ARID5B: variants seen among roughly 807,000 people sequenced by gnomAD.
The protein encoded by ARID5B is AT-rich interactive domain-containing protein 5B.
Under a neutral mutation model 97.2 loss-of-function variants are expected in ARID5B, and 13 were observed. That is an observed-to-expected ratio of 0.13 (90% CI 0.09 to 0.21). The LOEUF (loss-of-function observed/expected upper bound fraction) is 0.21. ARID5B is among the 10% of genes least tolerant of loss of function. ARID5B has a pLI of 1.00. For synonymous variants in ARID5B, 556 were observed against 570.3 expected, an observed-to-expected ratio of 0.97 and a Z score of 0.36; for missense variants, 1,210 against 1,465.3, an observed-to-expected ratio of 0.83 and a Z score of 2.84.
At chr10:61,933,319 T>A in intron 2 of ARID5B, among the ~76,000 whole-genome samples, 1 of 152,200 alleles carries the variant, frequency 6.6e-6, no homozygotes, top group Non-Finnish European at 1.5e-5. Flanking sequence ...TTCCTGAAAG[T>A]CGTCACCTAT....
Position 61,902,402 on chromosome 10 carries a change from G to T in ARID5B, c.265G>T (p.Asp89Tyr). ...AGACACTCCCCAGGGCAGAAATAGC[G>T]ACCATGGCGAGGTGGTAAACCTGTC... Reference protein sequence around the residue: ...PEDTPQGRNSDHGEDEVIAVS... With the variant: ...PEDTPQGRNSYHGEDEVIAVS... The change falls in exon 2 of 10, where the codon GAC becomes TAC. Residue 89 changes from aspartate to tyrosine, a missense_variant. By Grantham distance (160) the Asp-to-Tyr change is radical (BLOSUM62 -3). Around this residue, in one of 8 missense-constraint regions of ARID5B, gnomAD observed 80 missense variants for 133.2 expected, o/e 0.60. Transcript: ENST00000279873. 2 of 1,613,918 alleles carry T rather than the reference G, an allele frequency of 1.2e-6. No individual in the cohort carries two copies. Among genetic ancestry groups the T allele is most frequent in the South Asian group, 1.1e-5 (1 of 91,032 alleles).
At chr10:62,057,059 C>T (rs567471571) in intron 5 of ARID5B, 58 bp from the exon 6 acceptor site, 3 of 1,557,294 alleles carry the variant, frequency 1.9e-6, no homozygotes, top group Non-Finnish European at 2.6e-6. Flanking sequence ...CTAGCTATGT[C>T]TTGGTAAGCA....
At chr10:62,045,293 A>G (rs1406747209) in intron 4 of ARID5B, among the ~76,000 whole-genome samples, 1 of 152,220 alleles carries the variant, frequency 6.6e-6, no homozygotes, top group Admixed American at 6.5e-5. Flanking sequence ...AACTTTAAAA[A>G]CATTCGTTCT....
Position 62,092,927 on chromosome 10 carries a change from G to A in ARID5B, c.3464G>A (p.Gly1155Glu), listed in dbSNP as rs1236636347. ...GCTACACCTGTAGGAAGTTCATATG[G>A]GGACCTTTTGCATAACAGCATTTAC... Reference protein sequence around the residue: ...AAATPVGSSYGDLLHNSIYPL... With the variant: ...AAATPVGSSYEDLLHNSIYPL... Residue 1155 changes from glycine to glutamate, a missense_variant, in exon 10 of 10, where the codon GGG (glycine) becomes GAG (glutamate). By Grantham distance (98) the Gly-to-Glu change is moderately conservative. This residue lies in a region of ARID5B where 54 missense variants were observed against 67.4 expected (regional missense o/e 0.80). Coordinates refer to ENST00000279873, the MANE Select transcript of ARID5B (RefSeq NM_032199.3). 3 of 1,614,150 alleles carry A rather than the reference G, an allele frequency of 1.9e-6. No homozygotes were observed. Among genetic ancestry groups the A allele is most frequent in the East Asian group, 2.2e-5 (1 of 44,880 alleles).
chr10:61,938,964 AGTGTGTGTGT>A (rs60329829), intron 2 of ARID5B, among the ~76,000 whole-genome samples: 16 of 125,192 alleles, frequency 1.3e-4, no homozygotes, highest in African/African-American at 2.7e-4. Flanking sequence ...GAATTGGAGA[AGTGTGTGTGT>A]GTGTGTGTGT....
At position 61,912,586 on chromosome 10, in the gene ARID5B, A is replaced by G. The variant is rs563729988; in HGVS notation, c.276+10173A>G. 2.0e-3 allele frequency among the ~76,000 whole-genome samples: 300 copies of G among 151,872 alleles called. 5 individuals are homozygous for G. Among genetic ancestry groups the G allele is most frequent in the East Asian group, 1.9e-3 (10 of 5,174 alleles). On this transcript the variant is annotated intron_variant, in intron 2 of 9. Coordinates refer to ENST00000279873, the MANE Select transcript of ARID5B (RefSeq NM_032199.3). ...TAATGTATACTATTTTTGTTAGTCA[A>G]TTATACTTCAATAAAGCTGGAGAAA...
At chr10:61,993,574 G>A (rs1838957202) in intron 3 of ARID5B, among the ~76,000 whole-genome samples, 1 of 151,830 alleles carries the variant, frequency 6.6e-6, no homozygotes, top group Non-Finnish European at 1.5e-5. Flanking sequence ...AACAGCTGTA[G>A]CTACTCTTAT....
chr10:62,028,476 A>T (rs1318043405), intron 4 of ARID5B, among the ~76,000 whole-genome samples: 1 of 152,122 alleles, frequency 6.6e-6, no homozygotes, highest in Non-Finnish European at 1.5e-5. Context: ...GAGGCAGGGG[A>T]CGCAGCAACA....
intron 3 of ARID5B, among the ~76,000 whole-genome samples, chr10:61,942,899 A>C (rs965029200): frequency 1.3e-5 from 2 of 152,172 alleles, no homozygotes; most frequent in Non-Finnish European, 2.9e-5. Flanking sequence ...AGTGCTGAAG[A>C]AGGGAAAATG....
In ARID5B at chr10:61,949,136, G is replaced by C. The variant is rs16916888; in HGVS notation, c.502+8728G>C. 2.4e-3 allele frequency among the ~76,000 whole-genome samples: 370 copies of C among 152,252 alleles called. 1 individual carries two copies. The highest frequency in any genetic ancestry group is 9.3e-3 in the East Asian group (48 of 5,188). On this transcript the variant is annotated intron_variant, in intron 3 of 9. Coordinates refer to ENST00000279873, the MANE Select transcript of ARID5B (RefSeq NM_032199.3). ...CCAAACTGATTTTTGCCTCAGTAAC[G>C]GTCTACAGTTGAAGACCAGCTTGGT... is the stretch of plus-strand genomic sequence containing the variant.
At chr10:61,901,766 C>T (rs988252518) in intron 1 of ARID5B, 36 bp downstream of exon 1, 2 of 1,593,814 alleles carry the variant, frequency 1.3e-6, no homozygotes, top group Non-Finnish European at 1.7e-6. Flanking sequence ...GATCCCGGCA[C>T]CCCCCGGCAC....
intron 4 of ARID5B, among the ~76,000 whole-genome samples, chr10:62,034,076 G>C (rs1306563875): frequency 2.0e-5 from 3 of 152,196 alleles, no homozygotes; most frequent in Non-Finnish European, 4.4e-5. Flanking sequence ...GGATGGTTTT[G>C]CATGAGGCTA....
chr10:61,997,908 G>A lies in ARID5B; in HGVS notation c.503-2183G>A, dbSNP rs117346786. Among the ~76,000 whole-genome samples the A allele has an allele frequency of 9.8e-3, 1,490 of 152,248 alleles. 24 individuals carry two copies. The highest frequency in any genetic ancestry group is 0.016 in the Non-Finnish European group (1,094 of 68,012). On this transcript the variant is annotated intron_variant, in intron 3 of 9. Coordinates refer to ENST00000279873, the MANE Select transcript of ARID5B (RefSeq NM_032199.3). Reference sequence around the variant, plus strand: ...TTTGAACCCAAAGTTTGAACTTAGCGTCTTGGTCTGCTGTAAAAATCTCAG... The same window carrying A: ...TTTGAACCCAAAGTTTGAACTTAGCATCTTGGTCTGCTGTAAAAATCTCAG...
At chr10:61,961,148 C>T (rs1838465212) in intron 3 of ARID5B, among the ~76,000 whole-genome samples, 1 of 152,164 alleles carries the variant, frequency 6.6e-6, no homozygotes, top group African/African-American at 2.4e-5. Context: ...ATACCAATAA[C>T]ACTGTTTTAT....
intron 4 of ARID5B, among the ~76,000 whole-genome samples, chr10:62,043,478 C>T (rs1839666897): frequency 1.3e-5 from 2 of 152,184 alleles, no homozygotes; most frequent in South Asian, 4.1e-4. Context: ...CCTCAAGACA[C>T]AGTGGGGGAA....
intron 3 of ARID5B, among the ~76,000 whole-genome samples, chr10:61,976,285 A>T (rs973042973): frequency 6.6e-6 from 1 of 152,254 alleles, no homozygotes; most frequent in African/African-American, 2.4e-5. Context: ...TTAACTTTAT[A>T]TTGCCGCATG....
At chr10:61,943,652 TCA>T (rs1470298073) in intron 3 of ARID5B, among the ~76,000 whole-genome samples, 1 of 152,182 alleles carries the variant, frequency 6.6e-6, no homozygotes, top group African/African-American at 2.4e-5. Context: ...ATATAAAAGC[TCA>T]TTAAAGCACT....
At chr10:62,081,012 G>A (rs540395807) in intron 8 of ARID5B, among the ~76,000 whole-genome samples, 2 of 151,856 alleles carry the variant, frequency 1.3e-5, no homozygotes, top group Non-Finnish European at 2.9e-5. Context: ...TAGTAGAGAT[G>A]GGCTGGTCTC....
At chr10:61,902,077 CTG>C (rs1843625898) in intron 1 of ARID5B, 80 bp from the exon 2 acceptor site, 2 of 1,519,442 alleles carry the variant, frequency 1.3e-6, no homozygotes, top group Admixed American at 3.6e-5. Context: ...GAGTGGATGT[CTG>C]TGTGTAAATG....
Sources: allele counts gnomAD v4.1 joint callset (sites outside exome capture counted in the v4.1 genomes callset), GRCh38; gene constraint gnomAD v4.1.1; regional missense constraint gnomAD v4.1.1; transcripts MANE v1.5; gene names NCBI Gene and HGNC (gene_info 2026-07-23, HGNC 2026-07-21).